Variants in MACROH2A2 observed in about 807,000 individuals in gnomAD.
The protein encoded by MACROH2A2 is core histone macro-H2A.2.
MACROH2A2 carries 6 observed loss-of-function variants against 37.6 expected under a neutral mutation model. The ratio of observed to expected loss-of-function variants is 0.16; its 90% CI spans 0.09 to 0.32. The LOEUF (loss-of-function observed/expected upper bound fraction) is 0.32. Among genes scored for constraint, MACROH2A2 ranks in the 10% least tolerant of loss-of-function variants. The probability of loss-of-function intolerance (pLI) is 1.00; values close to 1 mark genes in which losing one functional copy is unlikely to be tolerated. For synonymous variants in MACROH2A2, 192 were observed against 202.7 expected (o/e 0.95, Z 0.45); for missense variants, 290 against 485.9 (o/e 0.60, Z 3.79).
At chr10:70,100,561 A>G (rs1192217654) in intron 7 of MACROH2A2, among the ~76,000 whole-genome samples, 1 of 151,844 alleles carries the variant, frequency 6.6e-6, no homozygotes, top group Non-Finnish European at 1.5e-5. Context: ...TGAACTTTGC[A>G]TGTGTGTGAT....
intron 2 of MACROH2A2, among the ~76,000 whole-genome samples, chr10:70,078,766 C>T (rs1455369537): frequency 2.0e-5 from 3 of 152,120 alleles, no homozygotes; most frequent in Non-Finnish European, 4.4e-5. Context: ...TTTAATGAGA[C>T]AAGGTGTTTT....
chr10:70,059,639 G>A (rs1442108030), intron 1 of MACROH2A2, among the ~76,000 whole-genome samples: 1 of 152,080 alleles, frequency 6.6e-6, no homozygotes, highest in Non-Finnish European at 1.5e-5. Flanking sequence ...CCAAAGTGTT[G>A]GGATTACAGG....
chr10:70,075,874 A>ACCCT lies in MACROH2A2; in HGVS notation c.172+48_172+51dup. The ACCCT allele has an allele frequency of 1.3e-6, 2 of 1,539,800 alleles. No individual in the cohort carries two copies. Among genetic ancestry groups the ACCCT allele is most frequent in the Non-Finnish European group, 1.8e-6 (2 of 1,123,466 alleles). On this transcript the variant is annotated intron_variant, in intron 2 of 8. Transcript: ENST00000373255. The surrounding 1 kb of genome is among the most constrained non-coding windows in gnomAD (Gnocchi z 5.0). ...GGAGGCTGCCTGCTCCCAGGTCCCCACCCTCCCCTGGGTCCCCCTCGCAGG... is the reference window on the plus strand; with the variant it reads ...GGAGGCTGCCTGCTCCCAGGTCCCCACCCTCCCTCCCCTGGGTCCCCCTCGCAGG...
Position 70,065,995 on chromosome 10 carries a change from G to T in MACROH2A2, c.-59-9605G>T, listed in dbSNP as rs771057958. 6.6e-5 allele frequency among the ~76,000 whole-genome samples: 10 copies of T among 152,136 alleles called. No homozygotes were observed. In the East Asian group the frequency reaches 7.7e-4, roughly 12 times the overall value. ...ACCTAAAGATCGTTCAAGTAAGATA[G>T]TTCTGTTTCTGTAAGAAAACAAAGT... On this transcript the variant is annotated intron_variant, in intron 1 of 8. Transcript: ENST00000373255.
intron 4 of MACROH2A2, among the ~76,000 whole-genome samples, 164 bp from the exon 5 acceptor site, chr10:70,093,571 A>G (rs1340204530): frequency 6.6e-6 from 1 of 152,132 alleles, no homozygotes; most frequent in African/African-American, 2.4e-5. Context: ...TTCTTTCCTT[A>G]TATTGCTGAC....
chr10:70,093,653 C>A, intron 4 of MACROH2A2, 82 bp from the exon 5 acceptor site: 1 of 705,592 alleles, frequency 1.4e-6, no homozygotes, highest in Admixed American at 2.3e-5. Flanking sequence ...AACTTGGTGG[C>A]AGCCGTGAGA....
Position 70,072,116 on chromosome 10 carries a change from T to C in MACROH2A2, c.-59-3484T>C, listed in dbSNP as rs534202870. Among the ~76,000 whole-genome samples the C allele has an allele frequency of 5.6e-3, 854 of 152,284 alleles. 8 individuals are homozygous for C. The highest frequency in any genetic ancestry group is 0.02 in the African/African-American group (816 of 41,570). On this transcript the variant is annotated intron_variant, in intron 1 of 8. Transcript: ENST00000373255. ...ACCTTTTTAAACTTTTTGACTCTTTTGTAATAACACTTAGCTTAAAACACA... is the reference window on the plus strand; with the variant it reads ...ACCTTTTTAAACTTTTTGACTCTTTCGTAATAACACTTAGCTTAAAACACA...
intron 1 of MACROH2A2, among the ~76,000 whole-genome samples, chr10:70,067,839 G>A (rs1284052148): frequency 1.3e-5 from 2 of 152,230 alleles, no homozygotes; most frequent in South Asian, 2.1e-4. Context: ...TTTCCAAGGC[G>A]ATCAGTGGAG....
intron 1 of MACROH2A2, among the ~76,000 whole-genome samples, chr10:70,069,718 A>AG (rs757262827): frequency 9.2e-5 from 14 of 152,030 alleles, no homozygotes; most frequent in Non-Finnish European, 1.8e-4. Context: ...TAAACATTTA[A>AG]TATTAGCCTG....
At chr10:70,076,073 A>G (rs1027459353) in intron 2 of MACROH2A2, among the ~76,000 whole-genome samples, 4 of 152,222 alleles carry the variant, frequency 2.6e-5, no homozygotes, top group Non-Finnish European at 5.9e-5. Flanking sequence ...ACAATCAAGT[A>G]AGTGGCCCTC....
intron 8 of MACROH2A2, among the ~76,000 whole-genome samples, chr10:70,110,477 C>T (rs569784310): frequency 1.3e-5 from 2 of 152,134 alleles, no homozygotes; most frequent in Non-Finnish European, 2.9e-5. Context: ...GTATATAAAC[C>T]AGTTTGGAGG....
intron 1 of MACROH2A2, among the ~76,000 whole-genome samples, chr10:70,054,009 GC>G (rs1324402703): frequency 3.3e-5 from 5 of 152,096 alleles, no homozygotes; most frequent in Admixed American, 3.3e-4. Context: ...AGCCCGGCCA[GC>G]CCCCCGGATC....
At chr10:70,095,522 ACT>A (rs2072271695) in intron 5 of MACROH2A2, 130 bp from the exon 6 acceptor site, 7 of 566,380 alleles carry the variant, frequency 1.2e-5, no homozygotes, top group Non-Finnish European at 1.9e-5. Context: ...GGAGGTTGTC[ACT>A]CTCTATGCAG....
rs907397148 is a variant in MACROH2A2, at chr10:70,075,375, G to A, written c.-59-225G>A. ...AGTTTTCTGTGGCCTTTCCTCTTGAGGTCAGGCTGCTTTGGTGGGGGAGGG... is the reference window on the plus strand; with the variant it reads ...AGTTTTCTGTGGCCTTTCCTCTTGAAGTCAGGCTGCTTTGGTGGGGGAGGG... On this transcript the variant is annotated intron_variant, in intron 1 of 8. Transcript: ENST00000373255. The surrounding 1 kb of genome is among the most constrained non-coding windows in gnomAD (Gnocchi z 5.0). 6.6e-5 allele frequency among the ~76,000 whole-genome samples: 10 copies of A among 152,180 alleles called. No individual in the cohort carries two copies. The highest frequency in any genetic ancestry group is 2.4e-4 in the African/African-American group (10 of 41,438).
At chr10:70,057,302 A>T (rs2072023838) in intron 1 of MACROH2A2, among the ~76,000 whole-genome samples, 1 of 135,800 alleles carries the variant, frequency 7.4e-6, no homozygotes, top group Non-Finnish European at 1.6e-5. Context: ...AAGTCATTCA[A>T]TGAGCACGTT....
chr10:70,100,760 G>A (rs2072302229), intron 7 of MACROH2A2, among the ~76,000 whole-genome samples: 1 of 151,952 alleles, frequency 6.6e-6, no homozygotes, highest in Non-Finnish European at 1.5e-5. Flanking sequence ...GGAATTACAG[G>A]CGCATGCCAC....
Position 70,107,823 on chromosome 10 carries a change from TA to T in MACROH2A2, c.779-1206del, listed in dbSNP as rs1161325916. On this transcript the variant is annotated intron_variant, in intron 7 of 8. Coordinates refer to ENST00000373255, the MANE Select transcript of MACROH2A2 (RefSeq NM_018649.3). The surrounding 1 kb of genome is among the most constrained non-coding windows in gnomAD (Gnocchi z 4.4). The stretch of plus-strand genomic sequence containing the variant: ...GTGGTTCTCAACTCATAGAAGGTCC[TA>T]AAATCACATAAGCATAAGCCCCTGC... Among the ~76,000 whole-genome samples, 1 of 152,114 alleles carries T rather than the reference TA, an allele frequency of 6.6e-6. No homozygotes were observed. The highest frequency in any genetic ancestry group is 2.4e-5 in the African/African-American group (1 of 41,412).
chr10:70,103,797 G>A (rs559164652), intron 7 of MACROH2A2, among the ~76,000 whole-genome samples: 115 of 152,000 alleles, frequency 7.6e-4, no homozygotes, highest in African/African-American at 2.7e-3. Flanking sequence ...AAAAAAAGAT[G>A]TGTGGAAACA....
At chr10:70,064,811 C>G (rs568593608) in intron 1 of MACROH2A2, among the ~76,000 whole-genome samples, 1 of 151,926 alleles carries the variant, frequency 6.6e-6, no homozygotes, top group South Asian at 2.1e-4. Flanking sequence ...TCTTTTTGTT[C>G]CCAGTTTTGC....
Sources: gnomAD v4.1 joint callset for allele counts (sites outside exome capture counted in the v4.1 genomes callset) on GRCh38, gnomAD v4.1.1 for gene constraint, Gnocchi (gnomAD v3.1) non-coding constraint, MANE v1.5 for transcripts, NCBI Gene and HGNC (gene_info 2026-07-23, HGNC 2026-07-21) for gene names.